TMEM108: variants seen among roughly 807,000 people sequenced by gnomAD.
TMEM108 encodes the protein transmembrane protein 108.
A neutral mutation model predicts 35.1 loss-of-function variants in TMEM108; 12 were observed. That is an observed-to-expected ratio of 0.34 (90% CI 0.22 to 0.55). TMEM108 has a LOEUF of 0.55. Among genes scored for constraint, TMEM108 ranks in the 20% least tolerant of loss-of-function variants. TMEM108 has a pLI of 0.89. For synonymous variants in TMEM108, 287 were observed against 308.6 expected (o/e 0.93, Z 0.73); for missense variants, 680 against 753.3 (o/e 0.90, Z 1.14).
At chr3:133,252,854 G>T (rs977013138) in intron 3 of TMEM108, among the ~76,000 whole-genome samples, 2 of 152,164 alleles carry the variant, frequency 1.3e-5, no homozygotes, top group African/African-American at 4.8e-5. Flanking sequence ...ATCTGCAGTT[G>T]ATTGAATGTG....
chr3:133,060,176 T>C (rs1014490051), intron 2 of TMEM108, among the ~76,000 whole-genome samples: 3 of 152,162 alleles, frequency 2.0e-5, no homozygotes, highest in Non-Finnish European at 4.4e-5. Context: ...AGGATAGACA[T>C]TAAGCAAGTA....
At chr3:133,335,206 C>T (rs962254625) in intron 3 of TMEM108, among the ~76,000 whole-genome samples, 3 of 152,104 alleles carry the variant, frequency 2.0e-5, no homozygotes, top group African/African-American at 4.8e-5. Flanking sequence ...TAAAGTCCTC[C>T]GCTGGATGAC....
At chr3:133,154,896 A>G (rs1944857042) in intron 2 of TMEM108, among the ~76,000 whole-genome samples, 1 of 152,164 alleles carries the variant, frequency 6.6e-6, no homozygotes, top group Admixed American at 6.5e-5. Flanking sequence ...CTTTCATTTT[A>G]GGTTTGGAGG....
At chr3:133,137,109 T>C (rs903287891) in intron 2 of TMEM108, among the ~76,000 whole-genome samples, 1 of 152,222 alleles carries the variant, frequency 6.6e-6, no homozygotes, top group South Asian at 2.1e-4. Context: ...CACTAGCACC[T>C]GTCTCTGGTT....
intron 2 of TMEM108, among the ~76,000 whole-genome samples, chr3:133,112,639 G>A (rs1382235848): frequency 4.6e-5 from 7 of 152,124 alleles, no homozygotes; most frequent in African/African-American, 9.7e-5. Flanking sequence ...CAATATTAAT[G>A]TACTTAGGGG....
chr3:133,219,078 C>T (rs1489258412), intron 2 of TMEM108, among the ~76,000 whole-genome samples: 2 of 152,008 alleles, frequency 1.3e-5, no homozygotes, highest in African/African-American at 4.8e-5. Flanking sequence ...CTGGTCTGTT[C>T]AGAATTTCTA....
intron 2 of TMEM108, among the ~76,000 whole-genome samples, chr3:133,123,062 A>G (rs1191616309): frequency 6.6e-6 from 1 of 152,212 alleles, no homozygotes; most frequent in Admixed American, 6.5e-5. Flanking sequence ...ACCTATATAC[A>G]TGTAACACAC....
chr3:133,208,606 C>T (rs1352114536), intron 2 of TMEM108, among the ~76,000 whole-genome samples: 1 of 152,172 alleles, frequency 6.6e-6, no homozygotes, highest in African/African-American at 2.4e-5. Context: ...CAGCTACTTC[C>T]CTGTCAGTCT....
At chr3:133,172,187 A>C (rs73860847) in intron 2 of TMEM108, among the ~76,000 whole-genome samples, 4,617 of 152,228 alleles carry the variant, frequency 0.03, 236 homozygotes, top group African/African-American at 0.11. Context: ...GAGTTAAGTA[A>C]TTTTTTTCAA....
intron 3 of TMEM108, among the ~76,000 whole-genome samples, chr3:133,337,683 A>G (rs1251913259): frequency 6.6e-6 from 1 of 152,186 alleles, no homozygotes; most frequent in African/African-American, 2.4e-5. Context: ...ATAGGAAAAC[A>G]TGACCTCACC....
At chr3:133,264,596 G>C (rs961768004) in intron 3 of TMEM108, among the ~76,000 whole-genome samples, 2 of 152,040 alleles carry the variant, frequency 1.3e-5, no homozygotes, top group Admixed American at 1.3e-4. Context: ...TGTCTGATTT[G>C]GTCACAAATT....
chr3:133,194,907 G>A (rs528651360), intron 2 of TMEM108, among the ~76,000 whole-genome samples: 5 of 152,030 alleles, frequency 3.3e-5, no homozygotes, highest in Admixed American at 6.5e-5. Context: ...TCTGCCCCCC[G>A]GCACTAACAC....
intron 3 of TMEM108, among the ~76,000 whole-genome samples, chr3:133,232,408 C>G (rs181360046): frequency 9.7e-4 from 147 of 152,254 alleles, no homozygotes; most frequent in African/African-American, 3.3e-3. Context: ...TATTGGCTCC[C>G]CTTTACCTTC....
intron 2 of TMEM108, among the ~76,000 whole-genome samples, chr3:133,150,455 C>T (rs1944783872): frequency 6.7e-6 from 1 of 148,420 alleles, no homozygotes; most frequent in Non-Finnish European, 1.5e-5. Flanking sequence ...CTCCCATTCT[C>T]TAAGTTGCCT....
At chr3:133,226,724 A>C (rs940200338) in intron 2 of TMEM108, among the ~76,000 whole-genome samples, 1 of 152,204 alleles carries the variant, frequency 6.6e-6, no homozygotes, top group South Asian at 2.1e-4. Context: ...GGTTTATAAT[A>C]TCTAAGAATA....
At chr3:133,152,298 C>G (rs866024774) in intron 2 of TMEM108, among the ~76,000 whole-genome samples, 7 of 152,188 alleles carry the variant, frequency 4.6e-5, no homozygotes, top group African/African-American at 1.7e-4. Context: ...TCAACAGGCT[C>G]TCTTAGAAGG....
intron 2 of TMEM108, among the ~76,000 whole-genome samples, chr3:133,227,244 G>C (rs1174882973): frequency 7.3e-6 from 1 of 136,720 alleles, no homozygotes; most frequent in Non-Finnish European, 1.5e-5. Context: ...CCAGGCTGGA[G>C]TGCAGTGGCG....
chr3:133,089,202 T>C (rs9857822), intron 2 of TMEM108, among the ~76,000 whole-genome samples: 34,754 of 152,012 alleles, frequency 0.23, 4,761 homozygotes, highest in Non-Finnish European at 0.3. Context: ...TCCTCTAACA[T>C]TGGGGATTAC....
chr3:133,177,602 G>C (rs1945255093), intron 2 of TMEM108, among the ~76,000 whole-genome samples: 1 of 152,172 alleles, frequency 6.6e-6, no homozygotes, highest in African/African-American at 2.4e-5. Context: ...AAAGGCCTTA[G>C]ACAAAATTCA....
Sources: allele counts gnomAD v4.1 joint callset (sites outside exome capture counted in the v4.1 genomes callset), GRCh38; gene constraint gnomAD v4.1.1; transcripts MANE v1.5; gene names NCBI Gene and HGNC (gene_info 2026-07-23, HGNC 2026-07-21).